Variants in CTNNA3 observed in about 807,000 individuals in gnomAD.
CTNNA3 encodes catenin alpha-3.
Under a neutral mutation model 95.7 loss-of-function variants are expected in CTNNA3, and 76 were observed. That is an observed-to-expected ratio of 0.79 (90% CI 0.66 to 0.96). The LOEUF is 0.96. Among genes scored for constraint, CTNNA3 ranks in the 40% least tolerant of loss-of-function variants. The probability of loss-of-function intolerance (pLI) is 0.00; values close to 1 mark genes in which losing one functional copy is unlikely to be tolerated. For missense variants in CTNNA3, 1,191 were observed against 1,089.8 expected (o/e 1.09, Z -1.31); for synonymous variants, 431 against 374.4 (o/e 1.15, Z -1.74).
chr10:66,871,525 G>A (rs942953426), intron 7 of CTNNA3, among the ~76,000 whole-genome samples: 3 of 134,576 alleles, frequency 2.2e-5, no homozygotes, highest in African/African-American at 8.6e-5. Context: ...TCGCACCACT[G>A]CACTCCAGCC....
At chr10:67,153,191 G>T (rs1169295056) in intron 7 of CTNNA3, among the ~76,000 whole-genome samples, 3 of 152,106 alleles carry the variant, frequency 2.0e-5, no homozygotes, top group African/African-American at 2.4e-5. Flanking sequence ...GGCCAGGTTG[G>T]TCTCGAACTC....
chr10:66,783,378 T>G (rs1016749583), intron 7 of CTNNA3, among the ~76,000 whole-genome samples: 1 of 152,158 alleles, frequency 6.6e-6, no homozygotes, highest in Non-Finnish European at 1.5e-5. Flanking sequence ...TCAATATCAA[T>G]TAATGATTAA....
chr10:66,894,588 A>T (rs1845401028), intron 7 of CTNNA3, among the ~76,000 whole-genome samples: 1 of 152,070 alleles, frequency 6.6e-6, no homozygotes, highest in South Asian at 2.1e-4. Flanking sequence ...ACCGGATGTT[A>T]AAAAAATAAT....
intron 13 of CTNNA3, among the ~76,000 whole-genome samples, chr10:66,216,510 T>C (rs2088548324): frequency 6.6e-6 from 1 of 152,198 alleles, no homozygotes; most frequent in African/African-American, 2.4e-5. Context: ...ATCTAGCTAT[T>C]GCAGAACAGC....
intron 12 of CTNNA3, among the ~76,000 whole-genome samples, chr10:66,326,390 C>T (rs1473723965): frequency 6.6e-6 from 1 of 151,970 alleles, no homozygotes; most frequent in Non-Finnish European, 1.5e-5. Flanking sequence ...CTTATAAATA[C>T]CTTACAATTT....
chr10:66,753,806 T>C (rs1440153206), intron 9 of CTNNA3, among the ~76,000 whole-genome samples: 2 of 151,924 alleles, frequency 1.3e-5, no homozygotes, highest in African/African-American at 4.8e-5. Flanking sequence ...AATTTATTGA[T>C]AATAAAATTT....
chr10:66,069,960 A>C (rs1354866834), intron 14 of CTNNA3, among the ~76,000 whole-genome samples: 1 of 152,156 alleles, frequency 6.6e-6, no homozygotes, highest in Non-Finnish European at 1.5e-5. Flanking sequence ...TAACATAATA[A>C]AGAAAAAACA....
intron 7 of CTNNA3, among the ~76,000 whole-genome samples, chr10:66,957,888 T>C (rs568232079): frequency 2.6e-5 from 4 of 152,206 alleles, no homozygotes; most frequent in South Asian, 2.1e-4. Flanking sequence ...TCTCTCCTTC[T>C]GCCACCTGGA....
At chr10:67,741,346 CAA>C (rs542236311) in intron 1 of CTNNA3, among the ~76,000 whole-genome samples, 4 of 128,536 alleles carry the variant, frequency 3.1e-5, no homozygotes, top group African/African-American at 5.6e-5. Context: ...AAAAAAAGAA[CAA>C]AAAAAAAAAA....
intron 7 of CTNNA3, among the ~76,000 whole-genome samples, chr10:66,968,099 A>G (rs1469320324): frequency 6.6e-6 from 1 of 152,074 alleles, no homozygotes; most frequent in African/African-American, 2.4e-5. Context: ...GCTGAGCCTG[A>G]AAAACCCAAT....
chr10:67,285,883 C>T (rs1047204619), intron 5 of CTNNA3, among the ~76,000 whole-genome samples: 3 of 152,104 alleles, frequency 2.0e-5, no homozygotes, highest in African/African-American at 7.2e-5. Context: ...ACCAGGCAAT[C>T]AGTTTTGGTT....
chr10:67,327,679 A>T (rs1232110987), intron 5 of CTNNA3, among the ~76,000 whole-genome samples: 1 of 152,188 alleles, frequency 6.6e-6, no homozygotes, highest in East Asian at 1.9e-4. Flanking sequence ...AAAGTGTTTC[A>T]GAGTGCGATG....
In CTNNA3 at chr10:66,688,966, A is replaced by G. The variant is rs928263901; in HGVS notation, c.1282-67182T>C. Among the ~76,000 whole-genome samples, 614 of 104,542 alleles carry G rather than the reference A, an allele frequency of 5.9e-3. 8 individuals are homozygous for G. The highest frequency in any genetic ancestry group is 0.027 in the African/African-American group (572 of 21,550). 68.6% of individuals were successfully genotyped at this position (104,542 alleles called of 152,430 possible). Reference sequence around the variant, plus strand: ...GCCACAGAGCAAGACTCCATCTCAAAAAAAAAAAAAAAAAGAGCAGGGACC... The same window carrying G: ...GCCACAGAGCAAGACTCCATCTCAAGAAAAAAAAAAAAAAGAGCAGGGACC... On this transcript the variant is annotated intron_variant, in intron 9 of 17. Transcript: ENST00000433211.
intron 1 of CTNNA3, among the ~76,000 whole-genome samples, chr10:67,711,979 T>C (rs1046250039): frequency 1.3e-5 from 2 of 152,096 alleles, no homozygotes; most frequent in African/African-American, 4.8e-5. Flanking sequence ...AGTGTGGAGA[T>C]TCCTCAGGGA....
At chr10:66,285,837 T>A (rs998116477) in intron 12 of CTNNA3, among the ~76,000 whole-genome samples, 2 of 151,992 alleles carry the variant, frequency 1.3e-5, no homozygotes, top group South Asian at 2.1e-4. Context: ...GAATAAGAAG[T>A]TCGTGCAACT....
intron 9 of CTNNA3, among the ~76,000 whole-genome samples, chr10:66,647,557 C>T (rs1421697614): frequency 6.7e-6 from 1 of 148,830 alleles, no homozygotes; most frequent in Non-Finnish European, 1.5e-5. Context: ...GTCGCCTAGG[C>T]TGGAGTGCAG....
At chr10:67,598,921 G>C (rs1221738351) in intron 3 of CTNNA3, among the ~76,000 whole-genome samples, 3 of 151,924 alleles carry the variant, frequency 2.0e-5, no homozygotes, top group African/African-American at 7.3e-5. Flanking sequence ...AGATGCTGAA[G>C]AACCCAATAG....
At chr10:66,490,270 T>C (rs901353968) in intron 11 of CTNNA3, among the ~76,000 whole-genome samples, 4 of 152,124 alleles carry the variant, frequency 2.6e-5, no homozygotes, top group Non-Finnish European at 4.4e-5. Context: ...TTTCATAATA[T>C]TTTTCACATA....
chr10:67,536,636 A>C (rs1210864953), intron 4 of CTNNA3, among the ~76,000 whole-genome samples: 1 of 152,154 alleles, frequency 6.6e-6, no homozygotes, highest in Non-Finnish European at 1.5e-5. Context: ...TTCCAGGATT[A>C]ATATACTATG....
Sources: allele counts gnomAD v4.1 joint callset (sites outside exome capture counted in the v4.1 genomes callset), GRCh38; gene constraint gnomAD v4.1.1; transcripts MANE v1.5; gene names NCBI Gene and HGNC (gene_info 2026-07-23, HGNC 2026-07-21).